Variants in GRM8 observed in about 807,000 individuals in gnomAD.
The protein encoded by GRM8 is metabotropic glutamate receptor 8.
Under a neutral mutation model 87.2 loss-of-function variants are expected in GRM8, and 47 were observed. The ratio of observed to expected loss-of-function variants is 0.54; its 90% CI spans 0.43 to 0.69. The LOEUF (loss-of-function observed/expected upper bound fraction) is 0.69. Among genes scored for constraint, GRM8 ranks in the 30% least tolerant of loss-of-function variants. The probability of loss-of-function intolerance (pLI) is 0.00; values close to 1 mark genes in which losing one functional copy is unlikely to be tolerated. For missense variants in GRM8, 1,019 were observed against 1,139.2 expected (o/e 0.89, Z 1.52); for synonymous variants, 396 against 404.5 (o/e 0.98, Z 0.25).
rs115891568 is a variant in GRM8, at chr7:126,444,397, C to T, written c.2677+1729G>A. ...ATTTGTTACTAAAGCCCATCCTTACCTTGCTTCGCATATTTCTTACTTCAC... is the reference window on the plus strand; with the variant it reads ...ATTTGTTACTAAAGCCCATCCTTACTTTGCTTCGCATATTTCTTACTTCAC... On this transcript the variant is annotated intron_variant, in intron 10 of 10. Coordinates refer to ENST00000339582, the MANE Select transcript of GRM8 (RefSeq NM_000845.3). Among the ~76,000 whole-genome samples, 573 of 152,186 alleles carry T rather than the reference C, an allele frequency of 3.8e-3. 4 individuals carry two copies. Among genetic ancestry groups the T allele is most frequent in the African/African-American group, 0.013 (543 of 41,564 alleles).
intron 2 of GRM8, among the ~76,000 whole-genome samples, chr7:127,193,691 T>C (rs1452342561): frequency 1.3e-5 from 2 of 152,246 alleles, no homozygotes; most frequent in Non-Finnish European, 2.9e-5. Context: ...AATCACCTTC[T>C]CAAATGTTAC....
intron 7 of GRM8, among the ~76,000 whole-genome samples, chr7:126,706,317 G>A (rs1406495999): frequency 6.6e-6 from 1 of 152,058 alleles, no homozygotes; most frequent in East Asian, 1.9e-4. Flanking sequence ...AGGTCTACAG[G>A]GTGAGTTGGC....
At chr7:126,736,462 G>A (rs765775147) in intron 7 of GRM8, among the ~76,000 whole-genome samples, 1 of 151,880 alleles carries the variant, frequency 6.6e-6, no homozygotes, top group African/African-American at 2.4e-5. Flanking sequence ...ATTTGAACAA[G>A]GTTATTCATT....
At chr7:126,869,834 A>G (rs1798926998) in intron 6 of GRM8, 1 of 151,190 alleles carries the variant, frequency 6.6e-6, no homozygotes, top group South Asian at 2.1e-4. Context: ...CAATGAGCAT[A>G]CGCTTTCACT....
chr7:127,033,516 C>A (rs1385465373), intron 3 of GRM8, among the ~76,000 whole-genome samples: 1 of 151,950 alleles, frequency 6.6e-6, no homozygotes, highest in African/African-American at 2.4e-5. Context: ...TCATTTAAAC[C>A]TTACAAAAAT....
At chr7:126,656,774 G>A (rs2151266869) in intron 7 of GRM8, among the ~76,000 whole-genome samples, 1 of 152,290 alleles carries the variant, frequency 6.6e-6, no homozygotes, top group African/African-American at 2.4e-5. Flanking sequence ...CTGCATGTTG[G>A]AGATGCTTGT....
chr7:126,562,406 T>C (rs184404264), intron 8 of GRM8, among the ~76,000 whole-genome samples: 1 of 152,316 alleles, frequency 6.6e-6, no homozygotes, highest in Non-Finnish European at 1.5e-5. Flanking sequence ...TCCCAGTTAG[T>C]TTTTGAGTCT....
chr7:126,762,927 G>A (rs946163403), intron 7 of GRM8, among the ~76,000 whole-genome samples: 2 of 151,744 alleles, frequency 1.3e-5, no homozygotes, highest in Non-Finnish European at 2.9e-5. Flanking sequence ...AATTTGATAA[G>A]GGGAAAACAG....
Position 126,938,230 on chromosome 7 carries a change from A to G in GRM8, c.728-33547T>C, listed in dbSNP as rs114511468. On this transcript the variant is annotated intron_variant, in intron 3 of 10. Transcript: ENST00000339582. ...CCCCTTCCCATGGGCCAGAATGCAGATGTGAAGGAGGGTGCCACCACTGAG... is the reference window on the plus strand; with the variant it reads ...CCCCTTCCCATGGGCCAGAATGCAGGTGTGAAGGAGGGTGCCACCACTGAG... Among the ~76,000 whole-genome samples the G allele has an allele frequency of 9.6e-3, 1,467 of 152,154 alleles. 28 individuals carry two copies. Among genetic ancestry groups the G allele is most frequent in the African/African-American group, 0.034 (1,395 of 41,494 alleles).
intron 2 of GRM8, among the ~76,000 whole-genome samples, chr7:127,184,878 C>G (rs1020993683): frequency 6.6e-6 from 1 of 151,876 alleles, no homozygotes; most frequent in African/African-American, 2.4e-5. Flanking sequence ...AATACATTTG[C>G]AATGGCACCC....
intron 3 of GRM8, among the ~76,000 whole-genome samples, chr7:127,069,273 G>A (rs1202910483): frequency 6.6e-6 from 1 of 151,990 alleles, no homozygotes; most frequent in Non-Finnish European, 1.5e-5. Flanking sequence ...AGCAATTTTC[G>A]TGCCTCAGCC....
At chr7:126,511,844 T>C (rs1811421228) in intron 9 of GRM8, 1 of 152,026 alleles carries the variant, frequency 6.6e-6, no homozygotes, top group Admixed American at 6.6e-5. Context: ...TTCATAAGAA[T>C]GCCAAAAAGG....
intron 7 of GRM8, among the ~76,000 whole-genome samples, chr7:126,647,407 C>T (rs369327236): frequency 8.1e-4 from 123 of 151,232 alleles, no homozygotes; most frequent in African/African-American, 2.4e-3. Context: ...ATATATCTTA[C>T]GAGTTAAATT....
rs892771204 is a variant in GRM8, at chr7:127,243,377, G to A, written c.-173C>T. On this transcript the variant is annotated 5_prime_UTR_variant, in exon 2 of 11. Coordinates refer to ENST00000339582, the MANE Select transcript of GRM8 (RefSeq NM_000845.3). Reference sequence around the variant, plus strand: ...TGAATGTCACAGTGAATTTCCATCAGACCCCTAAGGTTCAATTTTATTTCC... The same window carrying A: ...TGAATGTCACAGTGAATTTCCATCAAACCCCTAAGGTTCAATTTTATTTCC... The A allele has an allele frequency of 1.9e-5, 11 of 593,408 alleles. No individual in the cohort carries two copies. The Admixed American group carries it at 2.8e-4, about 15-fold the overall frequency. 36.8% of individuals were successfully genotyped at this position (593,408 alleles called of 1,614,324 possible).
In GRM8 at chr7:127,165,645, T is replaced by G. The variant is rs79467685; in HGVS notation, c.511-58933A>C. Among the ~76,000 whole-genome samples the G allele has an allele frequency of 6.4e-4, 98 of 152,312 alleles. No homozygotes were observed. In the East Asian group the frequency reaches 0.018, roughly 28 times the overall value. On this transcript the variant is annotated intron_variant, in intron 2 of 10. Transcript: ENST00000339582. ...GACAGAGTCTTCTCTTGCTGCCTTT[T>G]CACAAAGGTGGCCTTTTACTTTCTT...
At chr7:127,067,598 G>A (rs1433437827) in intron 3 of GRM8, among the ~76,000 whole-genome samples, 2 of 152,158 alleles carry the variant, frequency 1.3e-5, no homozygotes, top group Non-Finnish European at 2.9e-5. Context: ...ATAGATAAAA[G>A]CAATGCTTTA....
intron 9 of GRM8, among the ~76,000 whole-genome samples, chr7:126,470,497 A>G (rs1453542379): frequency 4.6e-5 from 7 of 151,510 alleles, no homozygotes; most frequent in Non-Finnish European, 8.8e-5. Context: ...AATTTCATCC[A>G]TTTCCCTACA....
intron 3 of GRM8, among the ~76,000 whole-genome samples, chr7:126,956,501 A>G (rs1286073738): frequency 6.6e-6 from 1 of 152,070 alleles, no homozygotes; most frequent in Non-Finnish European, 1.5e-5. Context: ...TTTTTTTATT[A>G]TACTTTAAGT....
At chr7:126,921,243 T>A (rs1804497683) in intron 3 of GRM8, among the ~76,000 whole-genome samples, 1 of 152,006 alleles carries the variant, frequency 6.6e-6, no homozygotes, top group African/African-American at 2.4e-5. Context: ...AAGAAGAAGC[T>A]CCTAGAAATT....
Sources: allele counts gnomAD v4.1 joint callset (sites outside exome capture counted in the v4.1 genomes callset), GRCh38; gene constraint gnomAD v4.1.1; transcripts MANE v1.5; gene names NCBI Gene and HGNC (gene_info 2026-07-23, HGNC 2026-07-21).